The following DNER variants were observed in gnomAD, a reference collection of about 807,000 sequenced individuals.
DNER encodes the protein delta/notch like EGF repeat containing.
A neutral mutation model predicts 78.2 loss-of-function variants in DNER; 33 were observed. The ratio of observed to expected loss-of-function variants is 0.42; its 90% CI spans 0.32 to 0.56. The LOEUF is 0.56. Among genes scored for constraint, DNER ranks in the 20% least tolerant of loss-of-function variants. The probability of loss-of-function intolerance (pLI) is 0.11; values close to 1 mark genes in which losing one functional copy is unlikely to be tolerated. For missense variants in DNER, 918 were observed against 975.3 expected, an observed-to-expected ratio of 0.94 and a Z score of 0.78; for synonymous variants, 417 against 384.8, an observed-to-expected ratio of 1.08 and a Z score of -0.98.
intron 1 of DNER, among the ~76,000 whole-genome samples, chr2:229,641,084 G>A (rs761949792): frequency 6.6e-6 from 1 of 152,178 alleles, no homozygotes; most frequent in Non-Finnish European, 1.5e-5. Context: ...TTGAAGGACA[G>A]ATGCAGGAGG....
At chr2:229,481,198 T>C (rs1695151838) in intron 6 of DNER, among the ~76,000 whole-genome samples, 2 of 152,160 alleles carry the variant, frequency 1.3e-5, no homozygotes, top group Non-Finnish European at 2.9e-5. Context: ...AAATTAGACG[T>C]ATGGACCATG....
chr2:229,662,548 A>G (rs1193596003), intron 1 of DNER, among the ~76,000 whole-genome samples: 1 of 152,204 alleles, frequency 6.6e-6, no homozygotes, highest in African/African-American at 2.4e-5. Flanking sequence ...TTCTGGGTCC[A>G]AGGGCCACGC....
At chr2:229,596,310 G>C (rs1418481459) in intron 1 of DNER, among the ~76,000 whole-genome samples, 1 of 152,228 alleles carries the variant, frequency 6.6e-6, no homozygotes, top group African/African-American at 2.4e-5. Context: ...GAGAACATAA[G>C]TCAAGGCGGA....
intron 4 of DNER, among the ~76,000 whole-genome samples, chr2:229,562,391 C>T (rs1269378318): frequency 6.6e-6 from 1 of 152,122 alleles, no homozygotes; most frequent in African/African-American, 2.4e-5. Context: ...GGAACATCAA[C>T]TTAGCAAAAG....
chr2:229,381,146 C>T (rs538597849), intron 11 of DNER, among the ~76,000 whole-genome samples: 7 of 151,998 alleles, frequency 4.6e-5, no homozygotes, highest in Middle Eastern at 3.4e-3. Context: ...GATGGGGTGT[C>T]GCCTCACCCG....
chr2:229,388,406 T>G lies in DNER; in HGVS notation c.1724-10A>C. The stretch of plus-strand genomic sequence containing the variant: ...ATGTCGCACTCTTCACCTAGGGAGA[T>G]AAGAAAAAGCAGTGGTGAAACCGCT... On this transcript the variant is annotated splice_polypyrimidine_tract_variant and intron_variant, in intron 10 of 12. Transcript: ENST00000341772. The G allele has an allele frequency of 1.3e-6, 2 of 1,598,548 alleles. No individual in the cohort carries two copies. Among genetic ancestry groups the G allele is most frequent in the South Asian group, 2.2e-5 (2 of 89,110 alleles).
At chr2:229,624,368 T>C (rs758513932) in intron 1 of DNER, among the ~76,000 whole-genome samples, 9 of 152,176 alleles carry the variant, frequency 5.9e-5, no homozygotes, top group Non-Finnish European at 1.2e-4. Flanking sequence ...ACAGGAAATA[T>C]TCTGCAGCAA....
intron 5 of DNER, among the ~76,000 whole-genome samples, chr2:229,529,090 GC>G (rs1246812394): frequency 2.0e-5 from 3 of 152,090 alleles, no homozygotes; most frequent in Non-Finnish European, 2.9e-5. Flanking sequence ...AAATATGGAA[GC>G]CCATACTTCT....
chr2:229,550,114 T>C (rs1334539198), intron 4 of DNER, among the ~76,000 whole-genome samples: 1 of 151,630 alleles, frequency 6.6e-6, no homozygotes, highest in Admixed American at 6.6e-5. Context: ...TGCCCCAGCC[T>C]CCCAAGTACC....
intron 4 of DNER, among the ~76,000 whole-genome samples, chr2:229,582,800 C>T (rs577709698): frequency 1.3e-5 from 2 of 152,096 alleles, no homozygotes; most frequent in African/African-American, 2.4e-5. Flanking sequence ...TCACCACGCC[C>T]GGCTAATTTC....
chr2:229,516,800 A>AAAAAAAAAAG (rs1553536934), intron 5 of DNER, among the ~76,000 whole-genome samples: 15 of 131,238 alleles, frequency 1.1e-4, no homozygotes, highest in Non-Finnish European at 2.0e-4. Context: ...AAAAAAAAAA[A>AAAAAAAAAAG]AAAAGAAAAG....
intron 4 of DNER, among the ~76,000 whole-genome samples, chr2:229,574,606 G>C (rs927693037): frequency 6.6e-6 from 1 of 152,068 alleles, no homozygotes; most frequent in African/African-American, 2.4e-5. Flanking sequence ...GTCAGTAGAG[G>C]GGCGGGTTAT....
rs565309817 is a variant in DNER at position 229,610,315 on chromosome 2, A to G, written c.277-18427T>C. On this transcript the variant is annotated intron_variant, in intron 1 of 12. Coordinates refer to ENST00000341772, the MANE Select transcript of DNER (RefSeq NM_139072.4). ...AACACTCTCAACGGCCTCACAGCGCATGGACACGGTAGAAGAGAACGGTTT... is the reference window on the plus strand; with the variant it reads ...AACACTCTCAACGGCCTCACAGCGCGTGGACACGGTAGAAGAGAACGGTTT... Among the ~76,000 whole-genome samples, 3 of 152,330 alleles carry G rather than the reference A, an allele frequency of 2.0e-5. No homozygotes were observed. In the South Asian group the frequency reaches 6.2e-4, roughly 32 times the overall value.
At chr2:229,470,063 C>G (rs926698001) in intron 7 of DNER, among the ~76,000 whole-genome samples, 1 of 152,208 alleles carries the variant, frequency 6.6e-6, no homozygotes, top group Non-Finnish European at 1.5e-5. Flanking sequence ...GTTGTTATTA[C>G]TTTGAAGCAT....
intron 11 of DNER, among the ~76,000 whole-genome samples, chr2:229,377,771 C>A (rs546211898): frequency 6.6e-6 from 1 of 152,260 alleles, no homozygotes; most frequent in South Asian, 2.1e-4. Context: ...TCTACCTCAT[C>A]CCCAAATATT....
intron 10 of DNER, among the ~76,000 whole-genome samples, chr2:229,399,043 C>T (rs529836733): frequency 2.0e-5 from 3 of 151,948 alleles, no homozygotes; most frequent in African/African-American, 7.2e-5. Flanking sequence ...TCTTACTGAA[C>T]CTAGTGTTAG....
intron 1 of DNER, among the ~76,000 whole-genome samples, chr2:229,612,236 C>T (rs1698061861): frequency 6.6e-6 from 1 of 152,164 alleles, no homozygotes; most frequent in South Asian, 2.1e-4. Context: ...GGGTACAAAA[C>T]TCTGATCGGT....
chr2:229,599,965 T>C (rs1697796921), intron 1 of DNER, among the ~76,000 whole-genome samples: 2 of 152,186 alleles, frequency 1.3e-5, no homozygotes, highest in Non-Finnish European at 1.5e-5. Flanking sequence ...GTAACTAGAA[T>C]GGACCATTGT....
Position 229,367,010 on chromosome 2 carries a change from G to T in DNER, c.1965C>A (p.Ile655=). ...ALCVAFILML[I]ILIVGICRIS... ...TGCGGCAAATCCCCACGATCAGGAT[G>T]ATCAGCATAAGGATGAAGGCCACGC... Residue 655 remains isoleucine, a synonymous_variant, in exon 12 of 13, where the codon ATC becomes ATA. Transcript: ENST00000341772. The T allele has an allele frequency of 2.5e-6, 4 of 1,614,104 alleles. No homozygotes were observed. Among genetic ancestry groups the T allele is most frequent in the Non-Finnish European group, 3.4e-6 (4 of 1,179,990 alleles).
Sources: gnomAD v4.1 joint callset for allele counts (sites outside exome capture counted in the v4.1 genomes callset) on GRCh38, gnomAD v4.1.1 for gene constraint, MANE v1.5 for transcripts, NCBI Gene and HGNC (gene_info 2026-07-23, HGNC 2026-07-21) for gene names.